PLXNB2: variants seen among roughly 807,000 people sequenced by gnomAD.
The protein encoded by PLXNB2 is plexin-B2.
PLXNB2 carries 85 observed loss-of-function variants against 202.6 expected under a neutral mutation model. That is an observed-to-expected ratio of 0.42 (90% CI 0.35 to 0.50). The LOEUF is 0.50. Ranked by LOEUF, PLXNB2 falls within the 20% of genes least tolerant of loss-of-function variation. The pLI, the probability that PLXNB2 is intolerant of heterozygous loss-of-function variation, is 0.02. For missense variants in PLXNB2, 2,063 were observed against 2,586.2 expected, an observed-to-expected ratio of 0.80 and a Z score of 4.39; for synonymous variants, 1,239 against 1,137.6, an observed-to-expected ratio of 1.09 and a Z score of -1.79.
In PLXNB2 at chr22:50,283,841, T is replaced by C. The variant is rs1212157084; in HGVS notation, c.2413A>G (p.Ile805Val). 4 of 1,608,398 alleles carry C rather than the reference T, an allele frequency of 2.5e-6. No individual in the cohort carries two copies. The highest frequency in any genetic ancestry group is 2.2e-5 in the East Asian group (1 of 44,648). Reference protein sequence around the residue: ...NTTSECPPPVITRIQPETGPL... With the variant: ...NTTSECPPPVVTRIQPETGPL... ...GGCTTCGAGGGGCTCACCCTGGTGA[T>C]GACGGGCGGCGGGCACTCGGAGGTG... Residue 805 changes from isoleucine to valine, a missense_variant, in exon 14 of 37, where the codon ATC (isoleucine) becomes GTC (valine). Ile to Val is a conservative substitution (Grantham distance 29, BLOSUM62 3). Transcript: ENST00000359337.
Position 50,290,546 on chromosome 22 carries a change from C to T in PLXNB2, c.39G>A (p.Leu13=), listed in dbSNP as rs1191944915. Reference sequence around the variant, plus strand: ...GCCTCAGGCTGGCACCTGCGCCCAGCAGGCCCAGCAGGGTCAGGGCCCAGA... The same window carrying T: ...GCCTCAGGCTGGCACCTGCGCCCAGTAGGCCCAGCAGGGTCAGGGCCCAGA... ...LQLWALTLLG[L]LGAGASLRPR... is the part of the protein sequence containing the mutation. The change falls in exon 3 of 37, where the codon CTG becomes CTA. Residue 13 remains leucine, a synonymous_variant. Coordinates refer to ENST00000359337, the MANE Select transcript of PLXNB2 (RefSeq NM_012401.4). 6.2e-7 allele frequency: 1 copy of T among 1,611,366 alleles called. No homozygotes were observed. The highest frequency in any genetic ancestry group is 1.3e-5 in the African/African-American group (1 of 75,038).
chr22:50,286,708 G>A (rs906259823), intron 8 of PLXNB2, among the ~76,000 whole-genome samples: 9 of 152,312 alleles, frequency 5.9e-5, no homozygotes, highest in South Asian at 4.1e-4. Flanking sequence ...ACATGGGCGC[G>A]ACGCCTGCCC....
At chr22:50,305,528 C>T (rs2067854052) in intron 1 of PLXNB2, among the ~76,000 whole-genome samples, 1 of 152,222 alleles carries the variant, frequency 6.6e-6, no homozygotes. Flanking sequence ...CTCACAGGCG[C>T]CATATCCAGA....
Position 50,283,453 on chromosome 22 carries a change from G to A in PLXNB2, c.2571-8C>T, listed in dbSNP as rs1178879999. 1 of 1,611,972 alleles carries A rather than the reference G, an allele frequency of 6.2e-7. No individual in the cohort carries two copies. Among genetic ancestry groups the A allele is most frequent in the South Asian group, 1.1e-5 (1 of 91,000 alleles). On this transcript the variant is annotated splice_region_variant and splice_polypyrimidine_tract_variant and intron_variant, in intron 15 of 36. Transcript: ENST00000359337. The stretch of plus-strand genomic sequence containing the variant: ...TCGATCACACACACGATCCTGGCGG[G>A]CGACAGGCAGTGTGGCCCAGGCACT...
chr22:50,282,696 G>C lies in PLXNB2; in HGVS notation c.2987+15C>G. ...GTGTGGGGAGCAGAGGGGGGCGGGG[G>C]GACACCAGCCTCACCTGGCAAAGCT... On this transcript the variant is annotated intron_variant, in intron 18 of 36. Coordinates refer to ENST00000359337, the MANE Select transcript of PLXNB2 (RefSeq NM_012401.4). The C allele has an allele frequency of 6.7e-7, 1 of 1,502,670 alleles. No individual in the cohort carries two copies. The highest frequency in any genetic ancestry group is 8.9e-7 in the Non-Finnish European group (1 of 1,118,814). 93.1% of individuals were successfully genotyped at this position (1,502,670 alleles called of 1,614,324 possible).
At position 50,281,912 on chromosome 22, in the gene PLXNB2, G is replaced by A. The variant is rs1454918774; in HGVS notation, c.3287C>T (p.Thr1096Ile). 3.1e-6 allele frequency: 5 copies of A among 1,613,144 alleles called. No individual in the cohort carries two copies. The highest frequency in any genetic ancestry group is 4.2e-6 in the Non-Finnish European group (5 of 1,180,008). Residue 1096 changes from threonine to isoleucine, a missense_variant, in exon 20 of 37, where the codon ACC becomes ATC. By Grantham distance (89) the Thr-to-Ile change is moderately conservative. Around this residue, in one of 2 missense-constraint regions of PLXNB2, gnomAD observed 760 missense variants for 1,109.4 expected, o/e 0.69. Transcript: ENST00000359337. Reference sequence around the variant, plus strand: ...GACGCCACCTGTGAAGTTCTCAAAGGTGGGGTCAGGCACGTACTCGAAGGC... The same window carrying A: ...GACGCCACCTGTGAAGTTCTCAAAGATGGGGTCAGGCACGTACTCGAAGGC... ...AGAFEYVPDPTFENFTGGVKK... is the reference protein window; with the variant it reads ...AGAFEYVPDPIFENFTGGVKK...
rs774549808 is a variant in PLXNB2, at chr22:50,277,927, G to A, written c.4974C>T (p.Phe1658=). The A allele has an allele frequency of 2.0e-5, 33 of 1,613,030 alleles. No homozygotes were observed. The highest frequency in any genetic ancestry group is 5.5e-5 in the South Asian group (5 of 91,088). The change falls in exon 32 of 37, where the codon TTC becomes TTT. Residue 1658 remains phenylalanine (F), a synonymous_variant. Transcript: ENST00000359337. The part of the protein sequence containing the change: ...HAVPPAVKYF[F]DFLDEQAEKH... ...TCTCTGCCTGCTCGTCCAGGAAGTC[G>A]AAGAAGTACTTGACTGCAGGTGGCA...
chr22:50,281,383 G>C lies in PLXNB2; in HGVS notation c.3639C>G (p.Ile1213Met). 6.2e-7 allele frequency: 1 copy of C among 1,612,244 alleles called. No individual in the cohort carries two copies. Among genetic ancestry groups the C allele is most frequent in the Non-Finnish European group, 8.5e-7 (1 of 1,179,742 alleles). The stretch of plus-strand genomic sequence containing the variant: ...ACCAGTAGCAGTAGACAGACACCGC[G>C]ATGACGACCACCATGGGCACGATGA... Reference protein sequence around the residue: ...PLVIVPMVVVIAVSVYCYWRK... With the variant: ...PLVIVPMVVVMAVSVYCYWRK... Residue 1213 changes from isoleucine (I) to methionine (M), a missense_variant, in exon 22 of 37, where the codon ATC becomes ATG. Transcript: ENST00000359337.
In PLXNB2 at chr22:50,275,961, C is replaced by T. The variant is rs372835571; in HGVS notation, c.5340G>A (p.Ala1780=). 6.6e-5 allele frequency: 107 copies of T among 1,612,408 alleles called. 1 individual carries two copies. Among genetic ancestry groups the T allele is most frequent in the South Asian group, 6.3e-4 (57 of 91,084 alleles). Residue 1780 remains alanine (A), a splice_region_variant and synonymous_variant, in exon 36 of 37, where the codon GCG becomes GCA. Coordinates refer to ENST00000359337, the MANE Select transcript of PLXNB2 (RefSeq NM_012401.4). ...CGAGGGTGTTCAAGGAGTCCGTGTG[C>T]GCCTGGGGGGTGACGGGACAGTCAG... The part of the protein sequence containing the change: ...MNTHLAEISR[A]HTDSLNTLVA...
At chr22:50,287,525 C>A in intron 7 of PLXNB2, 142 bp downstream of exon 7, 1 of 958,448 alleles carries the variant, frequency 1.0e-6, no homozygotes. Context: ...GGGCGGGCTC[C>A]ATCCCTAAGG....
Position 50,283,939 on chromosome 22 carries a change from G to T in PLXNB2, c.2315C>A (p.Ala772Asp). The T allele has an allele frequency of 6.4e-7, 1 of 1,561,820 alleles. No homozygotes were observed. Among genetic ancestry groups the T allele is most frequent in the Non-Finnish European group, 8.7e-7 (1 of 1,155,114 alleles). ...CGCACACCTGTAGTCGGGGTTAGCG[G>T]CCCGGCACAGGCTGCAGTCGCTGCG... ...FGRSDCSLCR[A>D]ANPDYRCAWC... Residue 772 changes from alanine to aspartate, a missense_variant, in exon 14 of 37, where the codon GCC (alanine) becomes GAC (aspartate). Ala to Asp is a moderately radical substitution (Grantham distance 126). Transcript: ENST00000359337.
Position 50,288,613 on chromosome 22 carries a change from G to C in PLXNB2, c.1380+130C>G. 7.6e-7 allele frequency: 1 copy of C among 1,323,160 alleles called. No individual in the cohort carries two copies. The highest frequency in any genetic ancestry group is 1.0e-6 in the Non-Finnish European group (1 of 977,466). 82.0% of individuals were successfully genotyped at this position (1,323,160 alleles called of 1,614,324 possible). The stretch of plus-strand genomic sequence containing the variant: ...GACCCACCCAGCCACCCCTCATCCA[G>C]ACCAAGGAGAAGGGCCCAGCTCTGC... On this transcript the variant is annotated intron_variant, in intron 5 of 36. Transcript: ENST00000359337. The surrounding 1 kb of genome is among the most constrained non-coding windows in gnomAD (Gnocchi z 5.0).
intron 1 of PLXNB2, among the ~76,000 whole-genome samples, chr22:50,303,626 C>T (rs1302216890): frequency 1.3e-5 from 2 of 152,260 alleles, no homozygotes; most frequent in East Asian, 1.9e-4. Flanking sequence ...CTCTCTCTTG[C>T]GCTTGCTGCG....
In PLXNB2 at chr22:50,306,810, G is replaced by A. The variant is rs531413967; in HGVS notation, c.-74+743C>T. ...CCTTTCCCAGGGAGCTTCGGGAAGA[G>A]AAATCAAGGGCCTGGCAGGAAGCCC... On this transcript the variant is annotated intron_variant, in intron 1 of 36. Coordinates refer to ENST00000359337, the MANE Select transcript of PLXNB2 (RefSeq NM_012401.4). Among the ~76,000 whole-genome samples, 3 of 152,324 alleles carry A rather than the reference G, an allele frequency of 2.0e-5. No homozygotes were observed. The East Asian group carries it at 5.8e-4, about 29-fold the overall frequency.
rs763970080 is a variant in PLXNB2, at chr22:50,277,835, G to C, written c.5048+18C>G. The C allele has an allele frequency of 4.4e-6, 7 of 1,609,116 alleles. No individual in the cohort carries two copies. The East Asian group carries it at 1.6e-4, about 36-fold the overall frequency. On this transcript the variant is annotated intron_variant, in intron 32 of 36. Transcript: ENST00000359337. ...GGCGGAGCCGGGGCTGGGCCGCGGG[G>C]TGGGTGTGGAGCCTCACCTGTTCGT...
intron 1 of PLXNB2, among the ~76,000 whole-genome samples, chr22:50,304,647 G>A (rs962382290): frequency 6.6e-6 from 1 of 151,978 alleles, no homozygotes; most frequent in East Asian, 1.9e-4. Flanking sequence ...CCCAGAGCCT[G>A]AGCACCCCCC....
Position 50,307,587 on chromosome 22 carries a change from G to A in PLXNB2, c.-108C>T, listed in dbSNP as rs2067938844. 9 of 981,462 alleles carry A rather than the reference G, an allele frequency of 9.2e-6. No individual in the cohort carries two copies. The highest frequency in any genetic ancestry group is 5.3e-4 in the Middle Eastern group (1 of 1,898). 60.8% of individuals were successfully genotyped at this position (981,462 alleles called of 1,614,324 possible). On this transcript the variant is annotated 5_prime_UTR_variant, in exon 1 of 37. Transcript: ENST00000359337. ...CGCCGCCAAGGCTCGATGGCGCCCG[G>A]GCCGCGCTCGGCGCTGCGCTCTGGC...
At chr22:50,300,047 C>A (rs1423868389) in intron 1 of PLXNB2, among the ~76,000 whole-genome samples, 1 of 152,096 alleles carries the variant, frequency 6.6e-6, no homozygotes, top group Non-Finnish European at 1.5e-5. Context: ...CACTGCCCCC[C>A]GCGAGCCCAA....
intron 1 of PLXNB2, among the ~76,000 whole-genome samples, chr22:50,305,063 G>C (rs2067837280): frequency 6.6e-6 from 1 of 152,244 alleles, no homozygotes; most frequent in African/African-American, 2.4e-5. Flanking sequence ...TGGCATCCAA[G>C]TGCCTGCCTA....
Sources: allele counts gnomAD v4.1 joint callset (sites outside exome capture counted in the v4.1 genomes callset), GRCh38; gene constraint gnomAD v4.1.1; regional missense constraint gnomAD v4.1.1; non-coding constraint Gnocchi (gnomAD v3.1); transcripts MANE v1.5; gene names NCBI Gene and HGNC (gene_info 2026-07-23, HGNC 2026-07-21).